COL19A1: variants seen among roughly 807,000 people sequenced by gnomAD.
COL19A1 encodes the protein collagen type XIX alpha 1 chain.
Under a neutral mutation model 190.2 loss-of-function variants are expected in COL19A1, and 159 were observed. The ratio of observed to expected loss-of-function variants is 0.84; its 90% confidence interval spans 0.73 to 0.95. The LOEUF (loss-of-function observed/expected upper bound fraction) is 0.95. Ranked by LOEUF, COL19A1 falls within the 40% of genes least tolerant of loss-of-function variation. The pLI is 0.00. For missense variants in COL19A1, 1,418 were observed against 1,431.9 expected (o/e 0.99, Z 0.16); for synonymous variants, 509 against 458.9 (o/e 1.11, Z -1.39).
chr6:69,922,744 G>A (rs1393434306), intron 4 of COL19A1, among the ~76,000 whole-genome samples: 1 of 152,086 alleles, frequency 6.6e-6, no homozygotes, highest in African/African-American at 2.4e-5. Flanking sequence ...GCCTCCCAAA[G>A]TGCTGGAATT....
At chr6:69,951,289 A>G (rs1562028257) in intron 9 of COL19A1, among the ~76,000 whole-genome samples, 1 of 151,944 alleles carries the variant, frequency 6.6e-6, no homozygotes, top group Admixed American at 6.6e-5. Context: ...ATTATATTGC[A>G]TCTACTTCTA....
intron 14 of COL19A1, among the ~76,000 whole-genome samples, chr6:70,062,842 T>C (rs919763070): frequency 5.3e-5 from 8 of 151,790 alleles, no homozygotes; most frequent in Non-Finnish European, 7.4e-5. Flanking sequence ...TAGTCTCTGA[T>C]AAAACAGACT....
At chr6:70,180,269 A>G (rs778217234) in intron 42 of COL19A1, 43 bp from the exon 43 acceptor site, 2 of 1,612,518 alleles carry the variant, frequency 1.2e-6, no homozygotes, top group Non-Finnish European at 1.7e-6. Context: ...GGTGTCGTTC[A>G]GCAATTTGGC....
intron 17 of COL19A1, among the ~76,000 whole-genome samples, chr6:70,127,678 G>A (rs1283093250): frequency 6.6e-5 from 10 of 152,280 alleles, no homozygotes; most frequent in South Asian, 6.2e-4. Context: ...TGAAAGGCAC[G>A]TCTAACATGG....
At chr6:69,921,938 T>A (rs1283366570) in intron 4 of COL19A1, among the ~76,000 whole-genome samples, 1 of 152,006 alleles carries the variant, frequency 6.6e-6, no homozygotes, top group East Asian at 1.9e-4. Flanking sequence ...TAGGATTTCT[T>A]ATAGGAAATT....
intron 16 of COL19A1, among the ~76,000 whole-genome samples, chr6:70,114,571 C>T (rs893295007): frequency 1.3e-5 from 2 of 152,132 alleles, no homozygotes; most frequent in African/African-American, 4.8e-5. Context: ...TTATCATTAT[C>T]CTCATTTAAT....
chr6:69,976,712 T>G (rs1026227135), intron 11 of COL19A1, among the ~76,000 whole-genome samples: 2 of 152,100 alleles, frequency 1.3e-5, no homozygotes, highest in African/African-American at 4.8e-5. Flanking sequence ...AGGAACCACA[T>G]GGAGTGTCTT....
intron 37 of COL19A1, among the ~76,000 whole-genome samples, chr6:70,166,193 A>G (rs1765143592): frequency 6.6e-6 from 1 of 152,310 alleles, no homozygotes; most frequent in East Asian, 1.9e-4. Flanking sequence ...AGATTGGCAT[A>G]CTGCGGGTCT....
chr6:70,131,165 A>G (rs1159268691), intron 18 of COL19A1: 3 of 301,432 alleles, frequency 1.0e-5, no homozygotes, highest in Non-Finnish European at 2.2e-5. Flanking sequence ...TGAATGTGCC[A>G]TTGTCAGAAA....
At chr6:70,196,127 T>G (rs1343761280) in intron 48 of COL19A1, among the ~76,000 whole-genome samples, 2 of 152,212 alleles carry the variant, frequency 1.3e-5, no homozygotes, top group Non-Finnish European at 2.9e-5. Context: ...ATGATGCTGT[T>G]GAATTAACAG....
rs190212078 is a variant in COL19A1 at position 70,047,556 on chromosome 6, T to G, written c.1170+11617T>G. On this transcript the variant is annotated intron_variant, in intron 14 of 50. Transcript: ENST00000620364. ...TAGCTTTTCCTCTCGTGTTGAAATA[T>G]TAGTTGTAAATCATTACATTCAAAT... Among the ~76,000 whole-genome samples, 7 of 152,268 alleles carry G rather than the reference T, an allele frequency of 4.6e-5. No individual in the cohort carries two copies. The East Asian group carries it at 1.3e-3, about 29-fold the overall frequency.
intron 11 of COL19A1, among the ~76,000 whole-genome samples, chr6:70,022,153 G>A (rs1281534643): frequency 6.6e-6 from 1 of 152,002 alleles, no homozygotes; most frequent in Non-Finnish European, 1.5e-5. Context: ...AAATGATAAT[G>A]TTCATTGTAG....
chr6:70,061,330 C>G (rs1435633438), intron 14 of COL19A1, among the ~76,000 whole-genome samples: 1 of 152,026 alleles, frequency 6.6e-6, no homozygotes, highest in East Asian at 1.9e-4. Context: ...GGTCTTGGAT[C>G]ATTCAAAGAG....
At chr6:70,186,839 A>C (rs1438996607) in intron 46 of COL19A1, among the ~76,000 whole-genome samples, 3 of 152,078 alleles carry the variant, frequency 2.0e-5, no homozygotes, top group South Asian at 2.1e-4. Flanking sequence ...ATATTTTACT[A>C]ATTAATTATG....
At chr6:69,950,001 A>G (rs1774032981) in intron 9 of COL19A1, among the ~76,000 whole-genome samples, 1 of 151,890 alleles carries the variant, frequency 6.6e-6, no homozygotes, top group Non-Finnish European at 1.5e-5. Flanking sequence ...AATGGAGTGA[A>G]GCATATTCTG....
chr6:70,115,410 C>G (rs1008315005), intron 16 of COL19A1, among the ~76,000 whole-genome samples: 3 of 152,108 alleles, frequency 2.0e-5, no homozygotes, highest in African/African-American at 4.8e-5. Context: ...AGTCACATTA[C>G]CCTACCACCC....
In COL19A1 at chr6:69,995,623, T is replaced by G. The variant is rs189870030; in HGVS notation, c.1027-28004T>G. Among the ~76,000 whole-genome samples the G allele has an allele frequency of 5.1e-4, 77 of 152,272 alleles. 1 individual carries two copies. The highest frequency in any genetic ancestry group is 7.5e-4 in the Non-Finnish European group (51 of 68,010). ...GAATTCCAACAACCATCTAAATTCT[T>G]TAATTATACAGATAATTTTGCATTT... On this transcript the variant is annotated intron_variant, in intron 11 of 50. Transcript: ENST00000620364.
At chr6:70,180,218 G>T in intron 42 of COL19A1, 94 bp from the exon 43 acceptor site, 1 of 1,392,912 alleles carries the variant, frequency 7.2e-7, no homozygotes. Flanking sequence ...ACCCTTGGGA[G>T]CACTATAAAC....
chr6:69,932,933 G>C (rs1582446908), intron 7 of COL19A1, 70 bp downstream of exon 7: 16 of 1,031,976 alleles, frequency 1.6e-5, no homozygotes, highest in Non-Finnish European at 2.3e-5. Context: ...AGTTTGTAGA[G>C]TCCAAATGTA....
Sources: gnomAD v4.1 joint callset for allele counts (sites outside exome capture counted in the v4.1 genomes callset) on GRCh38, gnomAD v4.1.1 for gene constraint, MANE v1.5 for transcripts, NCBI Gene and HGNC (gene_info 2026-07-23, HGNC 2026-07-21) for gene names.